The following USP34 variants were observed in gnomAD, a reference collection of about 807,000 sequenced individuals.
USP34 encodes the protein ubiquitin carboxyl-terminal hydrolase 34.
In USP34, 70 loss-of-function variants were observed where a neutral mutation model predicts 460.3. The observed-to-expected ratio is 0.15, with a 90% confidence interval of 0.13 to 0.19. The LOEUF (loss-of-function observed/expected upper bound fraction) is 0.19, where lower values mean the gene tolerates loss of function less well. Among genes scored for constraint, USP34 ranks in the 10% least tolerant of loss-of-function variants. The pLI, the probability that USP34 is intolerant of heterozygous loss-of-function variation, is 1.00. For missense variants in USP34, 3,985 were observed against 4,236.2 expected, an observed-to-expected ratio of 0.94 and a Z score of 1.65; for synonymous variants, 1,647 against 1,405.3, an observed-to-expected ratio of 1.17 and a Z score of -3.85.
At chr2:61,246,498 T>A in intron 49 of USP34, 21 bp from the exon 50 acceptor site, 1 of 1,466,386 alleles carries the variant, frequency 6.8e-7, no homozygotes. Flanking sequence ...TTACACAGAA[T>A]GGAAATAATT....
chr2:61,277,218 C>T (rs1044946361), intron 41 of USP34, among the ~76,000 whole-genome samples: 1 of 150,918 alleles, frequency 6.6e-6, no homozygotes, highest in African/African-American at 2.4e-5. Flanking sequence ...AGAAAGCACA[C>T]TGATAAAATA....
intron 12 of USP34, among the ~76,000 whole-genome samples, 185 bp downstream of exon 12, chr2:61,350,075 T>A (rs1333013648): frequency 6.6e-6 from 1 of 152,140 alleles, no homozygotes; most frequent in African/African-American, 2.4e-5. Flanking sequence ...TTCATCACTA[T>A]CCTTCACTTA....
chr2:61,336,610 G>C (rs547325898), intron 18 of USP34, among the ~76,000 whole-genome samples: 287 of 151,326 alleles, frequency 1.9e-3, no homozygotes, highest in Non-Finnish European at 3.4e-3. Flanking sequence ...GGGAGTTCGA[G>C]ACCAGCCTGG....
intron 1 of USP34, among the ~76,000 whole-genome samples, chr2:61,429,926 A>C (rs910941798): frequency 3.9e-5 from 6 of 152,066 alleles, no homozygotes; most frequent in African/African-American, 1.4e-4. Context: ...AAAAGTACAA[A>C]AATTAGGCTG....
Position 61,214,592 on chromosome 2 carries a change from C to T in USP34, c.8150G>A (p.Ser2717Asn). 1.9e-6 allele frequency: 3 copies of T among 1,614,006 alleles called. No individual in the cohort carries two copies. Among genetic ancestry groups the T allele is most frequent in the Non-Finnish European group, 8.5e-7 (1 of 1,179,950 alleles). The change falls in exon 68 of 80, where the codon AGT becomes AAT. Residue 2717 changes from serine (S) to asparagine (N), a missense_variant. Coordinates refer to ENST00000398571, the MANE Select transcript of USP34 (RefSeq NM_014709.4). ...LHIPTRDLPLSPDTTVVLHQV... is the reference protein window; with the variant it reads ...LHIPTRDLPLNPDTTVVLHQV... Reference sequence around the variant, plus strand: ...ATGTAGGACTACTGTTGTGTCTGGACTGAGTGGAAGGTCACGGGTTGGGAT... The same window carrying T: ...ATGTAGGACTACTGTTGTGTCTGGATTGAGTGGAAGGTCACGGGTTGGGAT...
At chr2:61,197,033 G>A (rs1470914649) in intron 75 of USP34, among the ~76,000 whole-genome samples, 1 of 152,148 alleles carries the variant, frequency 6.6e-6, no homozygotes, top group Non-Finnish European at 1.5e-5. Context: ...CCAGGACTTC[G>A]GGAGGCCAAG....
chr2:61,460,173 T>G (rs1329909076), intron 1 of USP34, among the ~76,000 whole-genome samples: 1 of 152,286 alleles, frequency 6.6e-6, no homozygotes, highest in Non-Finnish European at 1.5e-5. Flanking sequence ...TTATCTTTGG[T>G]TTTGCTTTCC....
chr2:61,458,657 A>T, intron 1 of USP34, among the ~76,000 whole-genome samples: 1 of 151,240 alleles, frequency 6.6e-6, no homozygotes. Context: ...AGAACAAGGG[A>T]ATGAAGCTAG....
At chr2:61,326,981 G>A (rs1032526439) in intron 20 of USP34, among the ~76,000 whole-genome samples, 1 of 151,244 alleles carries the variant, frequency 6.6e-6, no homozygotes, top group African/African-American at 2.4e-5. Flanking sequence ...GAAATATGGT[G>A]TCACCACATT....
chr2:61,462,181 G>A (rs1045933500), intron 1 of USP34, among the ~76,000 whole-genome samples: 1 of 151,520 alleles, frequency 6.6e-6, no homozygotes, highest in Non-Finnish European at 1.5e-5. Flanking sequence ...GGAGGTTGCA[G>A]TGAGCCAAGA....
chr2:61,299,776 T>C (rs879177150), intron 29 of USP34, among the ~76,000 whole-genome samples: 2 of 152,212 alleles, frequency 1.3e-5, no homozygotes, highest in East Asian at 3.9e-4. Flanking sequence ...AATAATAAAA[T>C]AAATGGCATC....
intron 2 of USP34, among the ~76,000 whole-genome samples, chr2:61,411,960 C>T (rs574717169): frequency 6.6e-6 from 1 of 151,984 alleles, no homozygotes; most frequent in African/African-American, 2.4e-5. Flanking sequence ...GAGGCTGAGG[C>T]GGGTGGATCA....
intron 5 of USP34, among the ~76,000 whole-genome samples, chr2:61,391,932 A>G (rs1464035506): frequency 6.6e-6 from 1 of 152,206 alleles, no homozygotes; most frequent in Admixed American, 6.5e-5. Context: ...AACAGATTAT[A>G]TAGTATTATA....
Position 61,317,799 on chromosome 2 carries a change from A to G in USP34, c.3169-32T>C, listed in dbSNP as rs750027082. 6.6e-6 allele frequency: 10 copies of G among 1,505,804 alleles called. No homozygotes were observed. In the African/African-American group the frequency reaches 1.2e-4, roughly 19 times the overall value. The allele number at this position is 1,505,804 out of a possible 1,614,324, so 93.3% of individuals were successfully genotyped here. ...AAGGGTAGGGGGAAACACAAAGCTA[A>G]TTTAGTGTGGTAATTCACAGATTTT... is the stretch of plus-strand genomic sequence containing the variant. On this transcript the variant is annotated intron_variant, in intron 22 of 79. Transcript: ENST00000398571.
chr2:61,411,387 A>G (rs1040523054), intron 2 of USP34, among the ~76,000 whole-genome samples: 2 of 152,070 alleles, frequency 1.3e-5, no homozygotes, highest in African/African-American at 4.8e-5. Flanking sequence ...TCTCAAAAAA[A>G]AAAAAAAGAA....
chr2:61,321,428 C>A (rs752423560), intron 21 of USP34, among the ~76,000 whole-genome samples: 1 of 152,084 alleles, frequency 6.6e-6, no homozygotes, highest in Non-Finnish European at 1.5e-5. Context: ...CCAAGATTTG[C>A]GCCACTGCTC....
At chr2:61,373,964 G>A (rs916487981) in intron 8 of USP34, among the ~76,000 whole-genome samples, 2 of 152,026 alleles carry the variant, frequency 1.3e-5, no homozygotes, top group African/African-American at 2.4e-5. Context: ...AGACCAGCCC[G>A]ACCAACATGG....
At chr2:61,282,278 C>A (rs1689557711) in intron 37 of USP34, among the ~76,000 whole-genome samples, 1 of 152,118 alleles carries the variant, frequency 6.6e-6, no homozygotes, top group African/African-American at 2.4e-5. Context: ...CAGTGCCCAG[C>A]CAGAGCTAAT....
chr2:61,348,979 C>G, intron 13 of USP34, 93 bp from the exon 14 acceptor site: 2 of 1,396,188 alleles, frequency 1.4e-6, no homozygotes, highest in Non-Finnish European at 1.9e-6. Flanking sequence ...GACCTAGTTA[C>G]CAAAGCTTTA....
Sources: allele counts gnomAD v4.1 joint callset (sites outside exome capture counted in the v4.1 genomes callset), GRCh38; gene constraint gnomAD v4.1.1; transcripts MANE v1.5; gene names NCBI Gene and HGNC (gene_info 2026-07-23, HGNC 2026-07-21).